PACS1: variants seen among roughly 807,000 people sequenced by gnomAD.
PACS1 encodes the protein PACS-1.
PACS1 carries 24 observed loss-of-function variants against 115.0 expected under a neutral mutation model. The ratio of observed to expected loss-of-function variants is 0.21; its 90% CI spans 0.15 to 0.29. The LOEUF (loss-of-function observed/expected upper bound fraction) is 0.29. Ranked by LOEUF, PACS1 falls within the 10% of genes least tolerant of loss-of-function variation. The pLI is 1.00. For missense variants in PACS1, 838 were observed against 1,251.2 expected (o/e 0.67, Z 4.98); for synonymous variants, 453 against 504.5 (o/e 0.90, Z 1.37).
intron 10 of PACS1, among the ~76,000 whole-genome samples, chr11:66,223,612 C>T (rs1170709745): frequency 2.0e-5 from 3 of 152,218 alleles, no homozygotes; most frequent in East Asian, 3.9e-4. Context: ...GCTAAATTCC[C>T]TCTTAACTAT....
At chr11:66,219,397 C>T (rs1855287757) in intron 7 of PACS1, 3 of 404,990 alleles carry the variant, frequency 7.4e-6, no homozygotes, top group South Asian at 2.0e-5. Flanking sequence ...CTGAGGTGCC[C>T]GCGCTGTGCA....
chr11:66,217,231 T>A (rs964191468), intron 7 of PACS1: 4 of 287,596 alleles, frequency 1.4e-5, no homozygotes, highest in African/African-American at 8.9e-5. Context: ...CTTGCTAAGC[T>A]TTAATTACAT....
Position 66,235,884 on chromosome 11 carries a change from G to C in PACS1, c.2208-14G>C. The C allele has an allele frequency of 2.5e-6, 4 of 1,611,968 alleles. No individual in the cohort carries two copies. Among genetic ancestry groups the C allele is most frequent in the Non-Finnish European group, 3.4e-6 (4 of 1,178,046 alleles). On this transcript the variant is annotated splice_polypyrimidine_tract_variant and intron_variant, in intron 18 of 23. Transcript: ENST00000320580. This position sits in a 1 kb window ranked among gnomAD's most constrained non-coding sequence, Gnocchi z 5.6. ...CTCCTACTAACTATGAAGCTCTCCT[G>C]TGTCTCCCAACAGCCCTGATGAAGA...
intron 1 of PACS1, among the ~76,000 whole-genome samples, chr11:66,162,552 C>T (rs1346413530): frequency 6.6e-6 from 1 of 152,212 alleles, no homozygotes; most frequent in Admixed American, 6.5e-5. Flanking sequence ...CCACTGGGGG[C>T]TGGAAGGGGC....
chr11:66,211,262 G>A lies in PACS1; in HGVS notation c.660+3G>A. On this transcript the variant is annotated splice_donor_region_variant and intron_variant, in intron 4 of 23. Coordinates refer to ENST00000320580, the MANE Select transcript of PACS1 (RefSeq NM_018026.4). ...TGGGACTCATCAACATGGCAGAGGT[G>A]AGAGGAACACAGTCTCCAGACTGTT... The A allele has an allele frequency of 6.2e-7, 1 of 1,613,302 alleles. No homozygotes were observed. The highest frequency in any genetic ancestry group is 8.5e-7 in the Non-Finnish European group (1 of 1,179,428).
chr11:66,157,325 G>A (rs528229373), intron 1 of PACS1, among the ~76,000 whole-genome samples: 35 of 152,258 alleles, frequency 2.3e-4, no homozygotes, highest in Admixed American at 2.2e-3. Context: ...CTGAAATGTA[G>A]GTGCATATAT....
intron 1 of PACS1, among the ~76,000 whole-genome samples, 198 bp downstream of exon 1, chr11:66,071,040 G>A (rs528244945): frequency 1.3e-5 from 2 of 152,224 alleles, no homozygotes; most frequent in Non-Finnish European, 2.9e-5. Context: ...CTTCTGCCTG[G>A]GGCCGGGACC....
intron 3 of PACS1, 53 bp from the exon 4 acceptor site, chr11:66,211,081 T>C (rs941687056): frequency 1.2e-6 from 2 of 1,604,760 alleles, no homozygotes; most frequent in African/African-American, 2.7e-5. Context: ...CCAGAACCCC[T>C]CAAGGACCCA....
Position 66,244,537 on chromosome 11 carries a change from C to G in PACS1, c.*1257C>G, listed in dbSNP as rs1855882775. 4 of 152,402 alleles carry G rather than the reference C, an allele frequency of 2.6e-5. No homozygotes were observed. The highest frequency in any genetic ancestry group is 2.6e-4 in the Admixed American group (4 of 15,282). 9.4% of individuals were successfully genotyped at this position (152,402 alleles called of 1,614,324 possible). Reference sequence around the variant, plus strand: ...CTTTGGAGCTTTTCTCTTGTCCTCTCACTCCTTCCCAGAAGTTTTTGCACA... The same window carrying G: ...CTTTGGAGCTTTTCTCTTGTCCTCTGACTCCTTCCCAGAAGTTTTTGCACA... On this transcript the variant is annotated 3_prime_UTR_variant, in exon 24 of 24. Coordinates refer to ENST00000320580, the MANE Select transcript of PACS1 (RefSeq NM_018026.4).
intron 19 of PACS1, chr11:66,238,539 C>T (rs1246563708): frequency 7.9e-6 from 3 of 380,196 alleles, no homozygotes; most frequent in East Asian, 5.6e-5. Flanking sequence ...CTCGCTCTGT[C>T]GCCCAGGCTG....
intron 1 of PACS1, among the ~76,000 whole-genome samples, chr11:66,073,091 T>C (rs1338550662): frequency 6.6e-6 from 1 of 152,266 alleles, no homozygotes; most frequent in East Asian, 1.9e-4. Flanking sequence ...GACCAGTCCT[T>C]GAGCTTGTCC....
chr11:66,168,752 A>ATATGTGTG (rs1554984380), intron 1 of PACS1, among the ~76,000 whole-genome samples: 5 of 99,106 alleles, frequency 5.0e-5, no homozygotes, highest in African/African-American at 1.7e-4. Flanking sequence ...ATATATATAT[A>ATATGTGTG]TGTGTGTGTG....
chr11:66,235,519 C>G lies in PACS1; in HGVS notation c.2207+116C>G. Reference sequence around the variant, plus strand: ...CACATGCTATATTCCTTCATAGGAACCCAAAAGGATATGAGTGGTTTTTAC... The same window carrying G: ...CACATGCTATATTCCTTCATAGGAAGCCAAAAGGATATGAGTGGTTTTTAC... On this transcript the variant is annotated intron_variant, in intron 18 of 23. Coordinates refer to ENST00000320580, the MANE Select transcript of PACS1 (RefSeq NM_018026.4). The surrounding 1 kb of genome is among the most constrained non-coding windows in gnomAD (Gnocchi z 5.6). The G allele has an allele frequency of 1.3e-6, 1 of 779,646 alleles. No individual in the cohort carries two copies. 48.3% of individuals were successfully genotyped at this position (779,646 alleles called of 1,614,324 possible). A position where few individuals can be genotyped will look rare whatever the true frequency, so the allele number is the denominator to read the frequency against.
intron 2 of PACS1, among the ~76,000 whole-genome samples, chr11:66,204,587 T>C (rs1854888898): frequency 6.6e-6 from 1 of 152,098 alleles, no homozygotes; most frequent in Non-Finnish European, 1.5e-5. Context: ...AAAGAAAATG[T>C]GGTACATATA....
At position 66,137,262 on chromosome 11, in the gene PACS1, T is replaced by TTG. The variant is rs369885391; in HGVS notation, c.357-56208_357-56207dup. On this transcript the variant is annotated intron_variant, in intron 1 of 23. Coordinates refer to ENST00000320580, the MANE Select transcript of PACS1 (RefSeq NM_018026.4). The stretch of plus-strand genomic sequence containing the variant: ...TTTGTGTGAGTGTGTGTGTTTGTGT[T>TTG]TGTGTGTGTGTGTGTGTACTTAAAT... Among the ~76,000 whole-genome samples the TTG allele has an allele frequency of 5.5e-3, 831 of 150,578 alleles. 9 individuals are homozygous for TTG. Among genetic ancestry groups the TTG allele is most frequent in the African/African-American group, 0.01 (417 of 41,156 alleles).
At chr11:66,075,165 G>C (rs1857374376) in intron 1 of PACS1, among the ~76,000 whole-genome samples, 1 of 152,004 alleles carries the variant, frequency 6.6e-6, no homozygotes, top group African/African-American at 2.4e-5. Flanking sequence ...GGATGGTCTC[G>C]ATCTCCTGAG....
At chr11:66,145,892 T>A (rs1435278678) in intron 1 of PACS1, among the ~76,000 whole-genome samples, 2 of 151,524 alleles carry the variant, frequency 1.3e-5, no homozygotes, top group African/African-American at 4.9e-5. Context: ...AAAGAAAAAC[T>A]GGAAAAAAGA....
At chr11:66,220,203 G>C (rs1378414792) in intron 8 of PACS1, 1 of 308,182 alleles carries the variant, frequency 3.2e-6, no homozygotes, top group Non-Finnish European at 6.1e-6. Context: ...ACCAGGAATG[G>C]GGCTGCTGAG....
chr11:66,238,208 CAG>C (rs1855742360), intron 19 of PACS1: 2 of 985,178 alleles, frequency 2.0e-6, no homozygotes, highest in South Asian at 4.7e-5. Context: ...CCAGGAAGAC[CAG>C]AGAGGAGAAG....
Sources: allele counts gnomAD v4.1 joint callset (sites outside exome capture counted in the v4.1 genomes callset), GRCh38; gene constraint gnomAD v4.1.1; non-coding constraint Gnocchi (gnomAD v3.1); transcripts MANE v1.5; gene names NCBI Gene and HGNC (gene_info 2026-07-23, HGNC 2026-07-21).